Variants in NFASC observed in about 807,000 individuals in gnomAD.
NFASC encodes neurofascin homolog.
NFASC carries 43 observed loss-of-function variants against 147.5 expected under a neutral mutation model. The observed-to-expected ratio is 0.29, with a 90% CI of 0.23 to 0.38. The LOEUF is 0.38. NFASC is among the 10% of genes least tolerant of loss of function. The pLI is 1.00. For synonymous variants in NFASC, 622 were observed against 665.5 expected, an observed-to-expected ratio of 0.93 and a Z score of 1.01; for missense variants, 1,320 against 1,689.0, an observed-to-expected ratio of 0.78 and a Z score of 3.83.
At chr1:204,944,946 G>C (rs1364928429) in intron 3 of NFASC, 2 of 152,444 alleles carry the variant, frequency 1.3e-5, no homozygotes, top group African/African-American at 4.8e-5. Flanking sequence ...TTAAAATAGA[G>C]CCCCATTATC....
rs2096385492 is a variant in NFASC at position 205,019,475 on chromosome 1, C to CCATTCATTTATT, written c.*2944_*2945insTATTCATTCATT. 6.6e-6 allele frequency: 1 copy of CCATTCATTTATT among 151,272 alleles called. No individual in the cohort carries two copies. The highest frequency in any genetic ancestry group is 2.4e-5 in the African/African-American group (1 of 41,058). 9.4% of individuals were successfully genotyped at this position (151,272 alleles called of 1,614,324 possible). On this transcript the variant is annotated 3_prime_UTR_variant, in exon 30 of 30. Transcript: ENST00000339876. ...TGTGGTTTCCTGTGCTCTCATTTGT[C>CCATTCATTTATT]CATTCATTCATTCATTCATTCATTC...
chr1:204,966,724 T>C (rs2150202747), intron 8 of NFASC, among the ~76,000 whole-genome samples: 1 of 152,352 alleles, frequency 6.6e-6, no homozygotes, highest in Non-Finnish European at 1.5e-5. Context: ...TGCTGCCTTA[T>C]TTTTTGTTCT....
At chr1:204,967,937 T>C (rs2095051012) in intron 8 of NFASC, 2 of 242,824 alleles carry the variant, frequency 8.2e-6, no homozygotes, top group Non-Finnish European at 8.1e-6. Flanking sequence ...TGCTCTGGAG[T>C]AGATCTCGCA....
At chr1:204,984,382 CAT>C (rs55787898) in intron 21 of NFASC, 17,633 of 133,982 alleles carry the variant, frequency 0.13, 1,137 homozygotes, top group South Asian at 0.23. Context: ...TATATATACG[CAT>C]ATATATATAT....
rs576271053 is a variant in NFASC at position 205,015,753 on chromosome 1, C to T, written c.3492-555C>T. 6.6e-5 allele frequency among the ~76,000 whole-genome samples: 10 copies of T among 152,120 alleles called. No individual in the cohort carries two copies. The South Asian group carries it at 1.9e-3, about 28-fold the overall frequency. ...TTTATAGATCAACCAGATAGCTCAG[C>T]GAAAGACACCAAGACAGACAAGCAG... On this transcript the variant is annotated intron_variant, in intron 29 of 29. Transcript: ENST00000339876. This position sits in a 1 kb window ranked among gnomAD's most constrained non-coding sequence, Gnocchi z 4.0.
chr1:204,868,377 G>A (rs900925039), intron 1 of NFASC, among the ~76,000 whole-genome samples: 1 of 152,172 alleles, frequency 6.6e-6, no homozygotes, highest in Non-Finnish European at 1.5e-5. Context: ...GGAGGAGCAC[G>A]ACCTGGCTGC....
In NFASC at chr1:204,997,225, C is replaced by T. The variant is rs563815192; in HGVS notation, c.2838C>T (p.Thr946=). The T allele has an allele frequency of 1.3e-5, 21 of 1,613,838 alleles. No individual in the cohort carries two copies. Among genetic ancestry groups the T allele is most frequent in the Admixed American group, 3.3e-5 (2 of 60,020 alleles). ...GTGCGACGGGCGCTGTGAGCAGTACCGATGCTACTGCCATTGCTGCCACCA... is the reference window on the plus strand; with the variant it reads ...GTGCGACGGGCGCTGTGAGCAGTACTGATGCTACTGCCATTGCTGCCACCA... ...TVGATGAVSS[T]DATAIAATTE... The change falls in exon 25 of 30, where the codon ACC becomes ACT. Residue 946 remains threonine (T), a synonymous_variant. Coordinates refer to ENST00000339876, the MANE Select transcript of NFASC (RefSeq NM_001005388.3).
intron 1 of NFASC, among the ~76,000 whole-genome samples, chr1:204,888,477 T>G (rs1440991399): frequency 3.3e-5 from 5 of 152,204 alleles, no homozygotes; most frequent in Non-Finnish European, 7.3e-5. Flanking sequence ...ATTGGTCATT[T>G]CAAACTAACT....
At chr1:204,914,511 A>T (rs1007955912) in intron 1 of NFASC, among the ~76,000 whole-genome samples, 1 of 152,204 alleles carries the variant, frequency 6.6e-6, no homozygotes, top group Non-Finnish European at 1.5e-5. Context: ...CTGAACTGTG[A>T]GACAGCTAAA....
chr1:204,934,565 G>A (rs1305211075), intron 2 of NFASC, among the ~76,000 whole-genome samples: 3 of 152,116 alleles, frequency 2.0e-5, no homozygotes, highest in East Asian at 1.9e-4. Flanking sequence ...TCTGCCTTCC[G>A]GGTTATCCTC....
intron 1 of NFASC, among the ~76,000 whole-genome samples, chr1:204,858,805 C>G (rs1407009611): frequency 1.3e-5 from 2 of 152,132 alleles, no homozygotes; most frequent in African/African-American, 4.8e-5. Flanking sequence ...TCCTTCCCCA[C>G]CGGGGTCGTA....
At chr1:204,898,690 T>C (rs1215169741) in intron 1 of NFASC, among the ~76,000 whole-genome samples, 1 of 152,190 alleles carries the variant, frequency 6.6e-6, no homozygotes, top group Non-Finnish European at 1.5e-5. Flanking sequence ...AGAGACCCAG[T>C]GCAGCCTCGT....
intron 1 of NFASC, among the ~76,000 whole-genome samples, chr1:204,896,171 A>T (rs1000551862): frequency 2.6e-5 from 4 of 152,192 alleles, no homozygotes; most frequent in African/African-American, 9.7e-5. Context: ...ACTGAGGTGC[A>T]TCGCCTGAAG....
At chr1:204,878,920 AG>A (rs1440286107) in intron 1 of NFASC, among the ~76,000 whole-genome samples, 5 of 152,260 alleles carry the variant, frequency 3.3e-5, no homozygotes, top group African/African-American at 9.6e-5. Context: ...AGGCCTGGCC[AG>A]AACTGGTGGG....
chr1:204,918,221 G>A (rs1215739266), intron 1 of NFASC, among the ~76,000 whole-genome samples: 1 of 152,110 alleles, frequency 6.6e-6, no homozygotes, highest in African/African-American at 2.4e-5. Flanking sequence ...TTTCTTGTGG[G>A]GCATAAGGTA....
chr1:204,983,481 G>A (rs1483747963), intron 21 of NFASC, among the ~76,000 whole-genome samples: 3 of 152,142 alleles, frequency 2.0e-5, no homozygotes, highest in Admixed American at 6.5e-5. Flanking sequence ...CCATGGACGG[G>A]GATAGATGAG....
At chr1:204,889,155 A>C (rs1410067619) in intron 1 of NFASC, among the ~76,000 whole-genome samples, 9 of 152,244 alleles carry the variant, frequency 5.9e-5, no homozygotes, top group African/African-American at 1.2e-4. Context: ...ATTTCAGGGA[A>C]TATTGTGAAA....
In NFASC at chr1:204,979,529, C is replaced by T; in HGVS notation, c.2146C>T (p.Pro716Ser). The change falls in exon 19 of 30, where the codon CCA (proline) becomes TCA (serine). Residue 716 changes from proline (P) to serine (S), a missense_variant. Physicochemically the swap from Pro to Ser is moderately conservative, Grantham distance 74. This residue lies in a region of NFASC where 981 missense variants were observed against 1,289.5 expected (regional missense o/e 0.76). Transcript: ENST00000339876. The surrounding 1 kb of genome is among the most constrained non-coding windows in gnomAD (Gnocchi z 6.0). ...GGTTGGGAGCAGCCACCCCAGCCTC[C>T]CATCCGAGCGCTACCGAACCAGTGG... is the stretch of plus-strand genomic sequence containing the variant. ...NEVGSSHPSL[P>S]SERYRTSGAP... The T allele has an allele frequency of 1.2e-6, 2 of 1,613,808 alleles. No homozygotes were observed. The highest frequency in any genetic ancestry group is 1.7e-6 in the Non-Finnish European group (2 of 1,180,026).
chr1:204,936,688 C>T (rs1453840207), intron 2 of NFASC, among the ~76,000 whole-genome samples: 1 of 152,198 alleles, frequency 6.6e-6, no homozygotes, highest in Non-Finnish European at 1.5e-5. Flanking sequence ...CCTGGCCTCC[C>T]CACTTCCACC....
Sources: allele counts gnomAD v4.1 joint callset (sites outside exome capture counted in the v4.1 genomes callset), GRCh38; gene constraint gnomAD v4.1.1; regional missense constraint gnomAD v4.1.1; non-coding constraint Gnocchi (gnomAD v3.1); transcripts MANE v1.5; gene names NCBI Gene and HGNC (gene_info 2026-07-23, HGNC 2026-07-21).